EHMT1: variants seen among roughly 807,000 people sequenced by gnomAD.
EHMT1 encodes histone-lysine N-methyltransferase EHMT1.
EHMT1 carries 15 observed loss-of-function variants against 147.2 expected under a neutral mutation model. The ratio of observed to expected loss-of-function variants is 0.10; its 90% CI spans 0.07 to 0.16. EHMT1 has a LOEUF of 0.16. Ranked by LOEUF, EHMT1 falls within the 10% of genes least tolerant of loss-of-function variation. EHMT1 has a pLI of 1.00. For missense variants in EHMT1, 1,587 were observed against 1,772.4 expected, an observed-to-expected ratio of 0.90 and a Z score of 1.88; for synonymous variants, 795 against 709.6, an observed-to-expected ratio of 1.12 and a Z score of -1.91.
At chr9:137,751,795 C>T (rs951485332) in intron 6 of EHMT1, among the ~76,000 whole-genome samples, 3 of 152,116 alleles carry the variant, frequency 2.0e-5, no homozygotes, top group Non-Finnish European at 4.4e-5. Flanking sequence ...GTCTGTGGGC[C>T]CACGTCTGCC....
intron 1 of EHMT1, among the ~76,000 whole-genome samples, chr9:137,705,624 C>T (rs916422798): frequency 3.3e-5 from 5 of 152,176 alleles, no homozygotes; most frequent in Admixed American, 6.5e-5. Context: ...TTTTGCCGTG[C>T]GGGCGCAGAG....
intron 1 of EHMT1, among the ~76,000 whole-genome samples, chr9:137,697,557 G>A (rs1325160247): frequency 5.3e-5 from 8 of 152,222 alleles, no homozygotes; most frequent in African/African-American, 7.2e-5. Context: ...TTAGCCTCAT[G>A]TAGAAGGACA....
chr9:137,642,512 A>AT (rs1375724961), intron 1 of EHMT1, among the ~76,000 whole-genome samples: 49 of 152,258 alleles, frequency 3.2e-4, no homozygotes, highest in Non-Finnish European at 6.2e-4. Flanking sequence ...AGTGTATACC[A>AT]TTTTAATTCC....
At chr9:137,718,008 C>T (rs570255632) in intron 3 of EHMT1, among the ~76,000 whole-genome samples, 29 of 152,262 alleles carry the variant, frequency 1.9e-4, no homozygotes, top group South Asian at 4.1e-4. Flanking sequence ...ACACAGGGCG[C>T]GCCCACCCCT....
At chr9:137,803,821 A>G (rs1953700883) in intron 18 of EHMT1, among the ~76,000 whole-genome samples, 1 of 150,988 alleles carries the variant, frequency 6.6e-6, no homozygotes, top group African/African-American at 2.4e-5. Flanking sequence ...ACTGCACCCC[A>G]GCCTGTCTCA....
chr9:137,834,484 T>G lies in EHMT1; in HGVS notation c.3676T>G (p.Phe1226Val), dbSNP rs960996874. ...GGACCTGCGGTTCCCCCGGATCGCC[T>G]TCTTCAGCACCCGCCTGATCGAGGC... ...HQDLRFPRIAFFSTRLIEAGE... is the reference protein window; with the variant it reads ...HQDLRFPRIAVFSTRLIEAGE... Residue 1226 changes from phenylalanine to valine, a missense_variant, in exon 26 of 27, where the codon TTC becomes GTC. Phe to Val is a conservative substitution (Grantham distance 50, BLOSUM62 -1). Transcript: ENST00000460843. The G allele has an allele frequency of 1.2e-6, 2 of 1,612,498 alleles. No homozygotes were observed. The highest frequency in any genetic ancestry group is 1.7e-6 in the Non-Finnish European group (2 of 1,179,756).
chr9:137,710,845 A>G, intron 1 of EHMT1, 122 bp from the exon 2 acceptor site: 3 of 1,080,492 alleles, frequency 2.8e-6, no homozygotes, highest in East Asian at 2.7e-5. Context: ...AGTAAATCTG[A>G]CTGTCCAGCA....
rs369795721 is a variant in EHMT1, at chr9:137,656,303, C to G, written c.21+37254C>G. On this transcript the variant is annotated intron_variant, in intron 1 of 26. Transcript: ENST00000460843. ...GCTGAGGCAGGAGAATCACTTGAAC[C>G]TGGGAGGTGGAAGTTGCAGTGAGCT... is the stretch of plus-strand genomic sequence containing the variant. 6.3e-3 allele frequency among the ~76,000 whole-genome samples: 964 copies of G among 152,250 alleles called. 10 individuals carry two copies. Among genetic ancestry groups the G allele is most frequent in the South Asian group, 0.037 (177 of 4,822 alleles).
At position 137,782,700 on chromosome 9, in the gene EHMT1, A is replaced by ACT. The variant is rs1472954526; in HGVS notation, c.2382+305_2382+306dup. Among the ~76,000 whole-genome samples the ACT allele has an allele frequency of 2.0e-5, 3 of 151,898 alleles. No individual in the cohort carries two copies. The highest frequency in any genetic ancestry group is 4.8e-5 in the African/African-American group (2 of 41,320). On this transcript the variant is annotated intron_variant, in intron 15 of 26. Transcript: ENST00000460843. The surrounding 1 kb of genome is among the most constrained non-coding windows in gnomAD (Gnocchi z 5.7). ...TGACGTCCCTCTGGGGGAGCCAAGC[A>ACT]CTCGCAGAGGCACGGACGCCCCTCC...
intron 1 of EHMT1, among the ~76,000 whole-genome samples, chr9:137,620,615 A>G (rs1842896681): frequency 6.6e-6 from 1 of 151,864 alleles, no homozygotes; most frequent in African/African-American, 2.4e-5. Flanking sequence ...CTGGTCTTGA[A>G]CTTTTGGACT....
intron 1 of EHMT1, among the ~76,000 whole-genome samples, chr9:137,651,459 G>A (rs1161733808): frequency 1.3e-5 from 2 of 152,080 alleles, no homozygotes; most frequent in Non-Finnish European, 2.9e-5. Context: ...GTCAGTGATG[G>A]ACAACATATA....
rs978764377 is a variant in EHMT1, at chr9:137,728,499, T to G, written c.793T>G (p.Cys265Gly). The change falls in exon 4 of 27, where the codon TGC (cysteine) becomes GGC (glycine). Residue 265 changes from cysteine to glycine, a missense_variant. Cys to Gly is a radical substitution (Grantham distance 159). Transcript: ENST00000460843. ...SLHQSLPQNQ[C>G]YMATTKSQTA... ...TCATCAGTCGCTACCTCAGAACCAGTGCTACATGGCCACCACAAAATCACA... is the reference window on the plus strand; with the variant it reads ...TCATCAGTCGCTACCTCAGAACCAGGGCTACATGGCCACCACAAAATCACA... 32 of 1,614,028 alleles carry G rather than the reference T, an allele frequency of 2.0e-5. No homozygotes were observed. Among genetic ancestry groups the G allele is most frequent in the Non-Finnish European group, 2.6e-5 (31 of 1,180,026 alleles).
chr9:137,769,795 G>T (rs1420402956), intron 10 of EHMT1, among the ~76,000 whole-genome samples: 4 of 152,078 alleles, frequency 2.6e-5, no homozygotes, highest in African/African-American at 9.7e-5. Flanking sequence ...TTATGTTTAA[G>T]AAATTCTTAG....
chr9:137,766,601 T>C (rs1338257156), intron 10 of EHMT1, among the ~76,000 whole-genome samples: 2 of 152,094 alleles, frequency 1.3e-5, no homozygotes, highest in African/African-American at 4.8e-5. Context: ...GGCGACAGAG[T>C]GAGACTCCGT....
At chr9:137,803,380 C>A in intron 18 of EHMT1, 1 of 833,214 alleles carries the variant, frequency 1.2e-6, no homozygotes, top group Non-Finnish European at 1.4e-6. Context: ...ACAGCCATGC[C>A]CAGCCCACCC....
intron 1 of EHMT1, among the ~76,000 whole-genome samples, chr9:137,624,305 CTCT>C (rs1467012126): frequency 6.8e-6 from 1 of 147,256 alleles, no homozygotes; most frequent in East Asian, 2.0e-4. Context: ...TATGCCCGGC[CTCT>C]TTTTTTTTTT....
In EHMT1 at chr9:137,834,904, A is replaced by C. The variant is rs398124408; in HGVS notation, c.3848A>C (p.Glu1283Ala). 114 of 1,598,322 alleles carry C rather than the reference A, an allele frequency of 7.1e-5. 1 individual carries two copies. In the Middle Eastern group the frequency reaches 2.5e-3, roughly 35 times the overall value. The change falls in exon 27 of 27, where the codon GAG becomes GCG. Residue 1283 changes from glutamate (E) to alanine (A), a missense_variant. By Grantham distance (107) the Glu-to-Ala change is moderately radical. Around this residue, in one of 7 missense-constraint regions of EHMT1, gnomAD observed 141 missense variants for 150.8 expected, o/e 0.94. Transcript: ENST00000460843. ...GCCAGCGCGGCCCAGGAGGCCCAGGAGGACGGCTTGCCCGACACCAGCTCC... is the reference window on the plus strand; with the variant it reads ...GCCAGCGCGGCCCAGGAGGCCCAGGCGGACGGCTTGCCCGACACCAGCTCC... Reference protein sequence around the residue: ...RQASAAQEAQEDGLPDTSSAA... With the variant: ...RQASAAQEAQADGLPDTSSAA...
At chr9:137,639,238 A>C (rs986080555) in intron 1 of EHMT1, among the ~76,000 whole-genome samples, 1 of 152,178 alleles carries the variant, frequency 6.6e-6, no homozygotes, top group African/African-American at 2.4e-5. Flanking sequence ...TTAAAAAAAA[A>C]ATCCCGTATT....
intron 1 of EHMT1, among the ~76,000 whole-genome samples, chr9:137,686,473 C>T (rs1942445153): frequency 6.6e-6 from 1 of 151,500 alleles, no homozygotes; most frequent in Non-Finnish European, 1.5e-5. Context: ...CACTCTAGCC[C>T]TGACCTCTGG....
Sources: allele counts gnomAD v4.1 joint callset (sites outside exome capture counted in the v4.1 genomes callset), GRCh38; gene constraint gnomAD v4.1.1; regional missense constraint gnomAD v4.1.1; non-coding constraint Gnocchi (gnomAD v3.1); transcripts MANE v1.5; gene names NCBI Gene and HGNC (gene_info 2026-07-23, HGNC 2026-07-21).